NXPH1: variants seen among roughly 807,000 people sequenced by gnomAD.
NXPH1 encodes neurexophilin-1.
NXPH1 carries 5 observed loss-of-function variants against 23.7 expected under a neutral mutation model. The ratio of observed to expected loss-of-function variants is 0.21; its 90% CI spans 0.11 to 0.44. The LOEUF (loss-of-function observed/expected upper bound fraction) is 0.44. NXPH1 is among the 20% of genes least tolerant of loss of function. The pLI is 0.99. For synonymous variants in NXPH1, 144 were observed against 122.2 expected (o/e 1.18, Z -1.18); for missense variants, 324 against 321.6 (o/e 1.01, Z -0.06).
intron 2 of NXPH1, among the ~76,000 whole-genome samples, chr7:8,653,555 T>C (rs1388015143): frequency 6.6e-6 from 1 of 152,216 alleles, no homozygotes; most frequent in Non-Finnish European, 1.5e-5. Context: ...TTAGTTCTGG[T>C]TTCCCATAAA....
At chr7:8,628,215 G>T (rs1219044812) in intron 2 of NXPH1, among the ~76,000 whole-genome samples, 1 of 152,120 alleles carries the variant, frequency 6.6e-6, no homozygotes, top group African/African-American at 2.4e-5. Flanking sequence ...GATTTTCACA[G>T]TGAAGAGAAA....
At chr7:8,471,567 C>A (rs573306382) in intron 2 of NXPH1, among the ~76,000 whole-genome samples, 1 of 151,962 alleles carries the variant, frequency 6.6e-6, no homozygotes, top group Non-Finnish European at 1.5e-5. Flanking sequence ...TTTGTTGCTT[C>A]CTACAGAAAA....
chr7:8,571,133 T>A (rs1818639343), intron 2 of NXPH1, among the ~76,000 whole-genome samples: 1 of 151,866 alleles, frequency 6.6e-6, no homozygotes, highest in Non-Finnish European at 1.5e-5. Context: ...TGGTCCCACC[T>A]CACCCAGAAT....
chr7:8,750,075 A>T (rs1007889799), intron 2 of NXPH1, among the ~76,000 whole-genome samples: 2 of 152,208 alleles, frequency 1.3e-5, no homozygotes, highest in Non-Finnish European at 2.9e-5. Flanking sequence ...TTTCTCTAGA[A>T]CTGACAATTA....
intron 2 of NXPH1, among the ~76,000 whole-genome samples, chr7:8,739,842 A>G (rs1780331223): frequency 6.6e-6 from 1 of 152,164 alleles, no homozygotes. Context: ...TTTAAAAATG[A>G]AGACACAAGC....
chr7:8,516,259 A>T (rs1263542934), intron 2 of NXPH1, among the ~76,000 whole-genome samples: 4 of 151,944 alleles, frequency 2.6e-5, no homozygotes, highest in Admixed American at 2.0e-4. Flanking sequence ...CGCCTCCGCA[A>T]TTTCTCATGC....
Position 8,474,008 on chromosome 7 carries a change from A to G in NXPH1, c.54+38241A>G, listed in dbSNP as rs79514867. ...GGACTCACCAGTGAGTGGACAGCTC[A>G]TTAGCCAATCTACAAGAGCCTGCTG... On this transcript the variant is annotated intron_variant, in intron 2 of 2. Coordinates refer to ENST00000405863, the MANE Select transcript of NXPH1 (RefSeq NM_152745.3). Among the ~76,000 whole-genome samples the G allele has an allele frequency of 2.9e-3, 444 of 152,308 alleles. 15 individuals carry two copies. In the East Asian group the frequency reaches 0.076, roughly 26 times the overall value.
chr7:8,612,236 C>A (rs889471597), intron 2 of NXPH1, among the ~76,000 whole-genome samples: 1 of 149,532 alleles, frequency 6.7e-6, no homozygotes, highest in Non-Finnish European at 1.5e-5. Context: ...TTTTTACATT[C>A]TCCCCTTCCT....
intron 2 of NXPH1, among the ~76,000 whole-genome samples, chr7:8,508,613 C>A (rs1170497854): frequency 6.6e-6 from 1 of 152,044 alleles, no homozygotes; most frequent in African/African-American, 2.4e-5. Context: ...AATTGCCCTT[C>A]ATTTGTGAGA....
chr7:8,510,638 C>T (rs1455742953), intron 2 of NXPH1, among the ~76,000 whole-genome samples: 1 of 152,038 alleles, frequency 6.6e-6, no homozygotes, highest in East Asian at 1.9e-4. Flanking sequence ...GCATGGAAAG[C>T]CTGCTCCTTT....
chr7:8,520,243 A>C (rs972623464), intron 2 of NXPH1, among the ~76,000 whole-genome samples: 10 of 152,188 alleles, frequency 6.6e-5, no homozygotes, highest in African/African-American at 2.4e-4. Flanking sequence ...TAGCTAGACA[A>C]CCCAAATATA....
At chr7:8,655,405 TC>T (rs1452971903) in intron 2 of NXPH1, among the ~76,000 whole-genome samples, 19 of 8,576 alleles carry the variant, frequency 2.2e-3, no homozygotes, top group African/African-American at 6.4e-3. Flanking sequence ...TGTCTTTCTC[TC>T]TCTCTCTCTC....
At chr7:8,641,171 A>G (rs1820302740) in intron 2 of NXPH1, among the ~76,000 whole-genome samples, 1 of 152,126 alleles carries the variant, frequency 6.6e-6, no homozygotes, top group Non-Finnish European at 1.5e-5. Flanking sequence ...ATTCCTAAGT[A>G]TTTTATAATT....
intron 2 of NXPH1, among the ~76,000 whole-genome samples, chr7:8,597,701 T>C (rs1409111548): frequency 2.2e-5 from 2 of 89,676 alleles, no homozygotes; most frequent in African/African-American, 9.0e-5. Flanking sequence ...AAAAGGAGGA[T>C]CCGGGTGGGG....
chr7:8,703,372 A>G (rs1293429168), intron 2 of NXPH1, among the ~76,000 whole-genome samples: 2 of 152,120 alleles, frequency 1.3e-5, no homozygotes, highest in Non-Finnish European at 2.9e-5. Flanking sequence ...CTGTGAAATC[A>G]CTTCCCTAAG....
intron 2 of NXPH1, among the ~76,000 whole-genome samples, chr7:8,682,997 T>C (rs1280197803): frequency 6.6e-6 from 1 of 152,242 alleles, no homozygotes; most frequent in East Asian, 1.9e-4. Flanking sequence ...TTTTTCTGTT[T>C]TGCATTACCA....
intron 2 of NXPH1, among the ~76,000 whole-genome samples, chr7:8,595,796 C>T (rs528316723): frequency 2.0e-5 from 3 of 151,754 alleles, no homozygotes; most frequent in African/African-American, 4.8e-5. Context: ...AGTTTCTTTC[C>T]GTAATGAAAG....
chr7:8,456,639 T>C (rs1045220281), intron 2 of NXPH1, among the ~76,000 whole-genome samples: 1 of 152,086 alleles, frequency 6.6e-6, no homozygotes, highest in Non-Finnish European at 1.5e-5. Flanking sequence ...TTTTTTTTTG[T>C]CTATTTGATT....
intron 2 of NXPH1, among the ~76,000 whole-genome samples, chr7:8,733,350 T>A (rs755627158): frequency 3.3e-5 from 5 of 152,214 alleles, no homozygotes; most frequent in Non-Finnish European, 5.9e-5. Flanking sequence ...TGCATGTATG[T>A]GTCTTTATAG....
Sources: gnomAD v4.1 joint callset for allele counts (sites outside exome capture counted in the v4.1 genomes callset) on GRCh38, gnomAD v4.1.1 for gene constraint, MANE v1.5 for transcripts, NCBI Gene and HGNC (gene_info 2026-07-23, HGNC 2026-07-21) for gene names.